The following DPP10 variants were observed in gnomAD, a reference collection of about 807,000 sequenced individuals.
DPP10 encodes inactive dipeptidyl peptidase 10.
DPP10 carries 33 observed loss-of-function variants against 120.9 expected under a neutral mutation model. That is an observed-to-expected ratio of 0.27 (90% CI 0.21 to 0.37). The LOEUF (loss-of-function observed/expected upper bound fraction) is 0.37, where lower values mean the gene tolerates loss of function less well. Ranked by LOEUF, DPP10 falls within the 10% of genes least tolerant of loss-of-function variation. The pLI, the probability that DPP10 is intolerant of heterozygous loss-of-function variation, is 1.00. For missense variants in DPP10, 816 were observed against 942.8 expected (o/e 0.87, Z 1.76); for synonymous variants, 337 against 326.1 (o/e 1.03, Z -0.36).
At chr2:114,895,608 C>T (rs1443717302) in intron 1 of DPP10, among the ~76,000 whole-genome samples, 4 of 152,192 alleles carry the variant, frequency 2.6e-5, no homozygotes, top group African/African-American at 9.6e-5. Context: ...AATGATGGTG[C>T]AGTGAACAGC....
chr2:114,515,912 C>T (rs1204730999), intron 1 of DPP10, among the ~76,000 whole-genome samples: 1 of 151,964 alleles, frequency 6.6e-6, no homozygotes, highest in African/African-American at 2.4e-5. Flanking sequence ...AACATTAATT[C>T]TCCGCATGCT....
intron 3 of DPP10, among the ~76,000 whole-genome samples, chr2:115,498,348 G>C (rs1044130770): frequency 2.0e-5 from 3 of 152,096 alleles, no homozygotes; most frequent in Non-Finnish European, 2.9e-5. Context: ...TAAATAATGA[G>C]AGAAGGGGTC....
At position 114,913,701 on chromosome 2, in the gene DPP10, G is replaced by A. The variant is rs369432281; in HGVS notation, c.61-395538G>A. On this transcript the variant is annotated intron_variant, in intron 1 of 25. Coordinates refer to ENST00000410059, the MANE Select transcript of DPP10 (RefSeq NM_020868.6). Reference sequence around the variant, plus strand: ...AACAACTATAGTAGCTCCCAGCAATGGTTCTTCCATAGACTAAAATGGCTG... The same window carrying A: ...AACAACTATAGTAGCTCCCAGCAATAGTTCTTCCATAGACTAAAATGGCTG... 3.3e-5 allele frequency among the ~76,000 whole-genome samples: 5 copies of A among 152,246 alleles called. No homozygotes were observed. In the East Asian group the frequency reaches 7.7e-4, roughly 24 times the overall value.
intron 2 of DPP10, among the ~76,000 whole-genome samples, chr2:115,334,557 CTT>C (rs2063005055): frequency 6.6e-6 from 1 of 151,720 alleles, no homozygotes. Context: ...TGAAAAGAGA[CTT>C]TTCTGTGAAT....
chr2:114,965,751 G>A (rs946861932), intron 1 of DPP10, among the ~76,000 whole-genome samples: 1 of 151,774 alleles, frequency 6.6e-6, no homozygotes, highest in Non-Finnish European at 1.5e-5. Flanking sequence ...GGCCGAGGTG[G>A]GCGGATCACG....
chr2:115,729,641 G>A (rs1191700957), intron 8 of DPP10, among the ~76,000 whole-genome samples: 25 of 152,158 alleles, frequency 1.6e-4, no homozygotes, highest in Admixed American at 1.6e-3. Flanking sequence ...GTGATGGCAT[G>A]CACCTGTGTT....
At chr2:115,343,659 TAAAC>T (rs2063557833) in intron 2 of DPP10, among the ~76,000 whole-genome samples, 154 bp from the exon 3 acceptor site, 1 of 152,104 alleles carries the variant, frequency 6.6e-6, no homozygotes, top group Admixed American at 6.5e-5. Context: ...AAAAAGTCAT[TAAAC>T]AAAGTTCAAA....
intron 1 of DPP10, among the ~76,000 whole-genome samples, chr2:114,489,864 C>T (rs1436289083): frequency 6.6e-6 from 1 of 152,208 alleles, no homozygotes; most frequent in Non-Finnish European, 1.5e-5. Context: ...CTGTGTCCTT[C>T]AGCAAGTTTG....
chr2:115,173,851 A>G (rs981144767), intron 1 of DPP10, among the ~76,000 whole-genome samples: 2 of 152,206 alleles, frequency 1.3e-5, no homozygotes, highest in Non-Finnish European at 2.9e-5. Context: ...CTGATAAGGC[A>G]GTTGAGAACG....
chr2:114,738,059 G>A (rs1677637176), intron 1 of DPP10, among the ~76,000 whole-genome samples: 1 of 152,164 alleles, frequency 6.6e-6, no homozygotes, highest in African/African-American at 2.4e-5. Context: ...CACATGGCCA[G>A]AGCAGGAGAG....
chr2:115,774,058 A>T (rs1319180010), intron 13 of DPP10, among the ~76,000 whole-genome samples: 1 of 152,256 alleles, frequency 6.6e-6, no homozygotes, highest in African/African-American at 2.4e-5. Flanking sequence ...TTTTGGTCCT[A>T]CACTTGAAAG....
intron 21 of DPP10, among the ~76,000 whole-genome samples, chr2:115,827,350 TAC>T (rs1688442338): frequency 6.8e-6 from 1 of 146,192 alleles, no homozygotes; most frequent in African/African-American, 2.5e-5. Flanking sequence ...TATATATATG[TAC>T]ATATATATGA....
At chr2:115,685,873 C>A (rs2090960118) in intron 5 of DPP10, among the ~76,000 whole-genome samples, 1 of 151,964 alleles carries the variant, frequency 6.6e-6, no homozygotes, top group Non-Finnish European at 1.5e-5. Flanking sequence ...AATAATATCT[C>A]ATGCCATGTT....
chr2:114,701,057 C>T (rs1247227274), intron 1 of DPP10, among the ~76,000 whole-genome samples: 4 of 151,804 alleles, frequency 2.6e-5, no homozygotes, highest in Non-Finnish European at 5.9e-5. Flanking sequence ...AGGTTTTTCT[C>T]CTTGGTTAGG....
chr2:115,596,314 A>G (rs901751848), intron 5 of DPP10, among the ~76,000 whole-genome samples: 6 of 152,200 alleles, frequency 3.9e-5, no homozygotes, highest in African/African-American at 1.4e-4. Flanking sequence ...AAAAACTCTT[A>G]ATTTACCAAA....
At chr2:114,455,336 G>T (rs1678508970) in intron 1 of DPP10, among the ~76,000 whole-genome samples, 2 of 152,240 alleles carry the variant, frequency 1.3e-5, no homozygotes, top group Middle Eastern at 6.8e-3. Flanking sequence ...CCTGATGTCA[G>T]GAGTTCCAGA....
chr2:115,666,437 C>T (rs531507087), intron 5 of DPP10, among the ~76,000 whole-genome samples: 2 of 152,124 alleles, frequency 1.3e-5, no homozygotes, highest in Admixed American at 1.3e-4. Flanking sequence ...GGAAGAAAAC[C>T]ACCCCCATGA....
intron 1 of DPP10, among the ~76,000 whole-genome samples, chr2:115,181,305 C>T (rs2054060531): frequency 6.6e-6 from 1 of 152,198 alleles, no homozygotes; most frequent in Admixed American, 6.5e-5. Flanking sequence ...CATATCATAT[C>T]ACTCCCTTAT....
chr2:115,510,213 T>G (rs1294291460), intron 4 of DPP10, among the ~76,000 whole-genome samples: 3 of 152,136 alleles, frequency 2.0e-5, no homozygotes, highest in East Asian at 1.9e-4. Flanking sequence ...TCAAATCTAT[T>G]TTTTCTTTAG....
Sources: allele counts gnomAD v4.1 joint callset (sites outside exome capture counted in the v4.1 genomes callset), GRCh38; gene constraint gnomAD v4.1.1; transcripts MANE v1.5; gene names NCBI Gene and HGNC (gene_info 2026-07-23, HGNC 2026-07-21).